The following PTPRD variants were observed in gnomAD, a reference collection of about 807,000 sequenced individuals.
PTPRD encodes the protein protein tyrosine phosphatase receptor type D, also known as receptor-type tyrosine-protein phosphatase delta.
A neutral mutation model predicts 214.5 loss-of-function variants in PTPRD; 34 were observed. That is an observed-to-expected ratio of 0.16 (90% CI 0.12 to 0.21). The LOEUF (loss-of-function observed/expected upper bound fraction) is 0.21, where lower values mean the gene tolerates loss of function less well. Among genes scored for constraint, PTPRD ranks in the 10% least tolerant of loss-of-function variants. The probability of loss-of-function intolerance (pLI) is 1.00; values close to 1 mark genes in which losing one functional copy is unlikely to be tolerated. For synonymous variants in PTPRD, 1,128 were observed against 845.7 expected, an observed-to-expected ratio of 1.33 and a Z score of -5.79; for missense variants, 2,545 against 2,398.7, an observed-to-expected ratio of 1.06 and a Z score of -1.27.
chr9:9,887,694 C>A (rs892051230), intron 5 of PTPRD, among the ~76,000 whole-genome samples: 3 of 152,080 alleles, frequency 2.0e-5, no homozygotes, highest in African/African-American at 4.8e-5. Context: ...CTAACTTGCA[C>A]TTCCTTAAAA....
intron 11 of PTPRD, among the ~76,000 whole-genome samples, chr9:8,887,539 T>C (rs928260788): frequency 3.9e-5 from 6 of 152,192 alleles, no homozygotes; most frequent in South Asian, 2.1e-4. Context: ...GCCTGGTCTG[T>C]TGCAAACATC....
At chr9:9,407,028 T>G (rs950389223) in intron 8 of PTPRD, among the ~76,000 whole-genome samples, 1 of 151,786 alleles carries the variant, frequency 6.6e-6, no homozygotes, top group Non-Finnish European at 1.5e-5. Context: ...AGTTTTCTCA[T>G]AAGTAAATAG....
At chr9:10,356,742 C>G (rs1399308189) in intron 2 of PTPRD, among the ~76,000 whole-genome samples, 2 of 151,766 alleles carry the variant, frequency 1.3e-5, no homozygotes, top group African/African-American at 4.8e-5. Context: ...TGCAGTGGCA[C>G]TATTTCAGCT....
At chr9:10,256,965 C>T (rs1159292326) in intron 3 of PTPRD, among the ~76,000 whole-genome samples, 3 of 152,224 alleles carry the variant, frequency 2.0e-5, no homozygotes, top group African/African-American at 7.2e-5. Flanking sequence ...GATAAATATC[C>T]CATTATATAC....
intron 11 of PTPRD, among the ~76,000 whole-genome samples, chr9:8,837,511 G>GTTTTC (rs888883793): frequency 2.0e-5 from 3 of 151,790 alleles, no homozygotes; most frequent in African/African-American, 7.3e-5. Context: ...GTTTTGTTTT[G>GTTTTC]TTTTGTTTTG....
chr9:8,991,904 C>T (rs1169805497), intron 11 of PTPRD, among the ~76,000 whole-genome samples: 1 of 151,630 alleles, frequency 6.6e-6, no homozygotes, highest in East Asian at 1.9e-4. Context: ...TTAGCTAGGA[C>T]TAAACACTAA....
chr9:10,451,197 C>G (rs1156364529), intron 2 of PTPRD, among the ~76,000 whole-genome samples: 1 of 151,840 alleles, frequency 6.6e-6, no homozygotes, highest in Non-Finnish European at 1.5e-5. Flanking sequence ...CTAATAGATA[C>G]CAATTTGAGG....
intron 8 of PTPRD, among the ~76,000 whole-genome samples, chr9:9,539,181 G>C (rs1292470803): frequency 6.6e-6 from 1 of 151,858 alleles, no homozygotes; most frequent in Non-Finnish European, 1.5e-5. Context: ...CATATTTTTT[G>C]AGACCTAAAT....
chr9:8,638,837 T>A (rs1047054675), intron 12 of PTPRD, among the ~76,000 whole-genome samples: 6 of 152,070 alleles, frequency 3.9e-5, no homozygotes, highest in Admixed American at 1.3e-4. Flanking sequence ...TTATTTTTTA[T>A]TTATTTTTAT....
intron 3 of PTPRD, among the ~76,000 whole-genome samples, chr9:10,181,637 C>T (rs2099288543): frequency 6.6e-6 from 1 of 151,214 alleles, no homozygotes; most frequent in African/African-American, 2.4e-5. Flanking sequence ...TATTATAAAA[C>T]ATAGTAATTA....
At chr9:10,130,763 T>C (rs1042375985) in intron 3 of PTPRD, among the ~76,000 whole-genome samples, 3 of 151,850 alleles carry the variant, frequency 2.0e-5, no homozygotes, top group Non-Finnish European at 4.4e-5. Flanking sequence ...TGAAAAAAAA[T>C]AAGCTGGAAC....
intron 12 of PTPRD, among the ~76,000 whole-genome samples, chr9:8,728,083 A>C (rs970360402): frequency 1.1e-4 from 16 of 152,088 alleles, no homozygotes; most frequent in African/African-American, 3.1e-4. Flanking sequence ...CCCTGTCTCT[A>C]CTAAAAACAC....
chr9:8,455,921 G>C (rs1215205533), intron 33 of PTPRD, among the ~76,000 whole-genome samples: 1 of 152,082 alleles, frequency 6.6e-6, no homozygotes, highest in Non-Finnish European at 1.5e-5. Context: ...TCCAGATAAA[G>C]GTCAGCCTCA....
chr9:10,482,120 C>T (rs1271925253), intron 2 of PTPRD, among the ~76,000 whole-genome samples: 2 of 152,040 alleles, frequency 1.3e-5, no homozygotes, highest in Admixed American at 6.6e-5. Context: ...GCCTGTAATC[C>T]CAGCATTTTG....
chr9:8,814,629 TA>T (rs532711293), intron 11 of PTPRD, among the ~76,000 whole-genome samples: 21 of 152,154 alleles, frequency 1.4e-4, no homozygotes, highest in African/African-American at 4.8e-4. Context: ...AGGGCAGAGA[TA>T]AAAACAAGGG....
At chr9:8,826,494 G>A (rs557763537) in intron 11 of PTPRD, among the ~76,000 whole-genome samples, 12 of 152,020 alleles carry the variant, frequency 7.9e-5, no homozygotes, top group African/African-American at 1.9e-4. Flanking sequence ...CCTCCCTTCC[G>A]TTCACCACAC....
rs145832334 is a variant in PTPRD, at chr9:10,395,389, A to C, written c.-599-54372T>G. On this transcript the variant is annotated intron_variant, in intron 2 of 45. Transcript: ENST00000381196. ...TCATTGCGATAGTTTGCTGAGAATG[A>C]TGGTTTGCAGCTTCATCCATGTCCC... is the stretch of plus-strand genomic sequence containing the variant. 3.4e-3 allele frequency among the ~76,000 whole-genome samples: 518 copies of C among 151,696 alleles called. 5 individuals carry two copies. Among genetic ancestry groups the C allele is most frequent in the African/African-American group, 0.012 (491 of 41,404 alleles).
chr9:9,756,018 C>G (rs1340829478), intron 6 of PTPRD, among the ~76,000 whole-genome samples: 1 of 151,888 alleles, frequency 6.6e-6, no homozygotes, highest in Non-Finnish European at 1.5e-5. Flanking sequence ...GCTGTTTTAT[C>G]TCCTTCAATT....
intron 3 of PTPRD, among the ~76,000 whole-genome samples, chr9:10,082,840 A>AAACACAAAC (rs1555566892): frequency 1.6e-5 from 2 of 128,302 alleles, no homozygotes; most frequent in South Asian, 5.1e-4. Flanking sequence ...CACACACACA[A>AAACACAAAC]ACACACACAC....
Sources: gnomAD v4.1 joint callset for allele counts (sites outside exome capture counted in the v4.1 genomes callset) on GRCh38, gnomAD v4.1.1 for gene constraint, MANE v1.5 for transcripts, NCBI Gene and HGNC (gene_info 2026-07-23, HGNC 2026-07-21) for gene names.